MCHR2: variants seen among roughly 807,000 people sequenced by gnomAD.
The protein encoded by MCHR2 is melanin concentrating hormone receptor 2.
A neutral mutation model predicts 24.8 loss-of-function variants in MCHR2; 15 were observed. The ratio of observed to expected loss-of-function variants is 0.60; its 90% confidence interval spans 0.40 to 0.93. The LOEUF (loss-of-function observed/expected upper bound fraction) is 0.93. MCHR2 is among the 40% of genes least tolerant of loss of function. The pLI is 0.00. For missense variants in MCHR2, 386 were observed against 408.7 expected (o/e 0.94, Z 0.48); for synonymous variants, 151 against 147.6 (o/e 1.02, Z -0.17).
intron 5 of MCHR2, among the ~76,000 whole-genome samples, chr6:99,931,846 G>C (rs1774551055): frequency 1.3e-5 from 2 of 152,120 alleles, no homozygotes; most frequent in South Asian, 2.1e-4. Flanking sequence ...TGCATCCACT[G>C]TCCTGCACCC....
chr6:99,934,260 T>G (rs909537262), intron 5 of MCHR2, 138 bp downstream of exon 5: 1 of 823,428 alleles, frequency 1.2e-6, no homozygotes, highest in East Asian at 3.0e-5. Context: ...TTTCCAAAAA[T>G]TTTTTCTATA....
Position 99,928,129 on chromosome 6 carries a change from C to CT in MCHR2, c.707+6268_707+6269insA, listed in dbSNP as rs1562117520. On this transcript the variant is annotated intron_variant, in intron 5 of 5. Transcript: ENST00000281806. ...TTTGTCTTTGGTTCTGTTTATATTG[C>CT]GGATTACCTTTATGGATTTGCATAT... Among the ~76,000 whole-genome samples the CT allele has an allele frequency of 8.6e-5, 13 of 152,014 alleles. 1 individual carries two copies. In the East Asian group the frequency reaches 2.3e-3, roughly 27 times the overall value.
At chr6:99,921,296 A>G (rs773136752) in intron 5 of MCHR2, 41 bp from the exon 6 acceptor site, 15 of 1,568,246 alleles carry the variant, frequency 9.6e-6, no homozygotes, top group South Asian at 3.5e-5. Context: ...ATAAACAACC[A>G]TAGAAATTAT....
chr6:99,956,287 G>A (rs1049210698), intron 1 of MCHR2, 113 bp from the exon 2 acceptor site: 5 of 723,146 alleles, frequency 6.9e-6, no homozygotes, highest in South Asian at 2.1e-5. Flanking sequence ...AGATTCCATG[G>A]AACACAGGAT....
intron 1 of MCHR2, among the ~76,000 whole-genome samples, chr6:99,968,092 T>C (rs746458652): frequency 2.0e-5 from 3 of 152,214 alleles, no homozygotes; most frequent in Non-Finnish European, 4.4e-5. Context: ...AAGTATTCAA[T>C]TAATATCAGT....
At chr6:99,940,338 T>G (rs1185260625) in intron 4 of MCHR2, among the ~76,000 whole-genome samples, 3 of 152,124 alleles carry the variant, frequency 2.0e-5, no homozygotes, top group Non-Finnish European at 4.4e-5. Context: ...CACTAATTCT[T>G]TCCTTTGCTT....
Position 99,920,984 on chromosome 6 carries a change from T to C in MCHR2, c.979A>G (p.Lys327Glu), listed in dbSNP as rs753792482. The C allele has an allele frequency of 6.2e-7, 1 of 1,614,202 alleles. No homozygotes were observed. The highest frequency in any genetic ancestry group is 1.1e-5 in the South Asian group (1 of 91,076). ...LPQIQRRATEKEINNMGNTLK... is the reference protein window; with the variant it reads ...LPQIQRRATEEEINNMGNTLK... Reference sequence around the variant, plus strand: ...GTGTTTCCCATATTGTTGATTTCCTTCTCAGTCGCTCTTCTTTGGATTTGA... The same window carrying C: ...GTGTTTCCCATATTGTTGATTTCCTCCTCAGTCGCTCTTCTTTGGATTTGA... The change falls in exon 6 of 6, where the codon AAG becomes GAG. Residue 327 changes from lysine to glutamate, a missense_variant. Physicochemically the swap from Lys to Glu is moderately conservative, Grantham distance 56. Coordinates refer to ENST00000281806, the MANE Select transcript of MCHR2 (RefSeq NM_001040179.2).
chr6:99,952,856 A>T (rs1774991340), intron 2 of MCHR2, among the ~76,000 whole-genome samples: 1 of 152,182 alleles, frequency 6.6e-6, no homozygotes, highest in African/African-American at 2.4e-5. Context: ...TTTTTGAAAG[A>T]TTACAATATT....
At chr6:99,945,079 A>C (rs1774850566) in intron 3 of MCHR2, among the ~76,000 whole-genome samples, 1 of 152,164 alleles carries the variant, frequency 6.6e-6, no homozygotes. Flanking sequence ...AGATTATAGG[A>C]GACTCTACTT....
chr6:99,976,546 C>A (rs1478391423), intron 1 of MCHR2, among the ~76,000 whole-genome samples: 2 of 152,184 alleles, frequency 1.3e-5, no homozygotes, highest in African/African-American at 4.8e-5. Flanking sequence ...TCTCTCAAAC[C>A]ACCATCTATG....
At chr6:99,983,806 G>T (rs1006134562) in intron 1 of MCHR2, among the ~76,000 whole-genome samples, 2 of 152,052 alleles carry the variant, frequency 1.3e-5, no homozygotes, top group Non-Finnish European at 2.9e-5. Flanking sequence ...TTTCTGAACT[G>T]CTTTATTTAA....
At chr6:99,973,005 G>C (rs879773740) in intron 1 of MCHR2, among the ~76,000 whole-genome samples, 4 of 152,030 alleles carry the variant, frequency 2.6e-5, no homozygotes, top group Non-Finnish European at 5.9e-5. Flanking sequence ...TTTGGAATAG[G>C]TGTTGTGTGG....
intron 5 of MCHR2, among the ~76,000 whole-genome samples, chr6:99,930,448 C>G (rs544500583): frequency 1.1e-4 from 16 of 152,298 alleles, no homozygotes; most frequent in Middle Eastern, 3.4e-3. Context: ...CAACTTGGTT[C>G]CATTCTCCCT....
intron 2 of MCHR2, among the ~76,000 whole-genome samples, chr6:99,948,978 C>T (rs561762231): frequency 2.6e-5 from 4 of 152,038 alleles, no homozygotes; most frequent in South Asian, 2.1e-4. Flanking sequence ...TGTGGGGAGC[C>T]GGGGGTGGGA....
intron 1 of MCHR2, among the ~76,000 whole-genome samples, chr6:99,960,416 T>C (rs1775160544): frequency 6.6e-6 from 1 of 152,084 alleles, no homozygotes; most frequent in Admixed American, 6.6e-5. Flanking sequence ...CCAAGGTAAT[T>C]TATAGATTCA....
chr6:99,957,516 T>C (rs1179896696), intron 1 of MCHR2, among the ~76,000 whole-genome samples: 3 of 152,052 alleles, frequency 2.0e-5, no homozygotes, highest in Non-Finnish European at 4.4e-5. Context: ...TTTCAAAACA[T>C]GAAAGAATGT....
At chr6:99,980,980 G>C (rs1008045962) in intron 1 of MCHR2, among the ~76,000 whole-genome samples, 1 of 152,162 alleles carries the variant, frequency 6.6e-6, no homozygotes, top group African/African-American at 2.4e-5. Context: ...TGTCAAAGCA[G>C]GGTTGCAAAT....
intron 5 of MCHR2, among the ~76,000 whole-genome samples, chr6:99,926,652 T>G (rs1455781863): frequency 6.6e-6 from 1 of 152,242 alleles, no homozygotes; most frequent in Non-Finnish European, 1.5e-5. Flanking sequence ...AAGTGTCTGT[T>G]CATGTCCTTC....
At chr6:99,930,248 C>G (rs1017031097) in intron 5 of MCHR2, among the ~76,000 whole-genome samples, 4 of 152,080 alleles carry the variant, frequency 2.6e-5, no homozygotes, top group Admixed American at 2.6e-4. Flanking sequence ...GTAACCCGAC[C>G]TTTCTCTCTG....
Sources: allele counts gnomAD v4.1 joint callset (sites outside exome capture counted in the v4.1 genomes callset), GRCh38; gene constraint gnomAD v4.1.1; transcripts MANE v1.5; gene names NCBI Gene and HGNC (gene_info 2026-07-23, HGNC 2026-07-21).